FEZ2: variants seen among roughly 807,000 people sequenced by gnomAD.
The protein encoded by FEZ2 is fasciculation and elongation protein zeta 2.
FEZ2 carries 51 observed loss-of-function variants against 40.4 expected under a neutral mutation model. That is an observed-to-expected ratio of 1.26 (90% confidence interval 1.01 to 1.59). The LOEUF (loss-of-function observed/expected upper bound fraction) is 1.59. FEZ2 is among the 40% of genes most tolerant of loss of function. The pLI, the probability that FEZ2 is intolerant of heterozygous loss-of-function variation, is 0.00. For synonymous variants in FEZ2, 242 were observed against 172.0 expected, an observed-to-expected ratio of 1.41 and a Z score of -3.18; for missense variants, 640 against 438.3, an observed-to-expected ratio of 1.46 and a Z score of -4.11.
chr2:36,581,466 T>C, intron 3 of FEZ2, 35 bp from the exon 4 acceptor site: 1 of 1,600,962 alleles, frequency 6.2e-7, no homozygotes, highest in South Asian at 1.1e-5. Context: ...TAATCAAATA[T>C]ACAAAAGGAA....
intron 1 of FEZ2, 81 bp from the exon 2 acceptor site, chr2:36,591,092 C>G: frequency 1.2e-6 from 1 of 835,702 alleles, no homozygotes; most frequent in East Asian, 2.5e-5. Flanking sequence ...GAAAGATGAA[C>G]AGCAAATGTC....
At chr2:36,569,181 C>T (rs1238089083) in intron 5 of FEZ2, among the ~76,000 whole-genome samples, 2 of 152,188 alleles carry the variant, frequency 1.3e-5, no homozygotes, top group Non-Finnish European at 2.9e-5. Context: ...ATGGAATAAT[C>T]CATGCAAGTA....
intron 2 of FEZ2, among the ~76,000 whole-genome samples, chr2:36,586,391 T>G (rs848614): frequency 0.46 from 69,591 of 151,948 alleles, 16,923 homozygotes; most frequent in East Asian, 0.85. Flanking sequence ...TCCCAGCACT[T>G]TGGGAGGCTG....
At chr2:36,554,184 G>T in intron 7 of FEZ2, 1 of 471,140 alleles carries the variant, frequency 2.1e-6, no homozygotes, top group South Asian at 1.5e-5. Flanking sequence ...AGGAGCCAGC[G>T]GCCCGAGCAT....
intron 2 of FEZ2, among the ~76,000 whole-genome samples, chr2:36,588,879 T>C (rs1445385602): frequency 6.6e-6 from 1 of 152,156 alleles, no homozygotes; most frequent in South Asian, 2.1e-4. Context: ...GAAATTGGAT[T>C]AAACTGTCTC....
At chr2:36,589,612 AG>A (rs1277229564) in intron 2 of FEZ2, 1 of 152,238 alleles carries the variant, frequency 6.6e-6, no homozygotes, top group African/African-American at 2.4e-5. Flanking sequence ...AACAAGACAG[AG>A]CAAAAGATCC....
At chr2:36,577,522 G>A (rs1400125196) in intron 5 of FEZ2, among the ~76,000 whole-genome samples, 1 of 152,170 alleles carries the variant, frequency 6.6e-6, no homozygotes, top group Admixed American at 6.5e-5. Flanking sequence ...CCAAAGTGCT[G>A]GGATTACAGG....
chr2:36,564,589 G>A (rs1328462524), intron 5 of FEZ2, among the ~76,000 whole-genome samples: 2 of 152,110 alleles, frequency 1.3e-5, no homozygotes, highest in African/African-American at 4.8e-5. Context: ...CCTAGCTCCA[G>A]CAAGGCGATT....
intron 5 of FEZ2, among the ~76,000 whole-genome samples, chr2:36,563,000 T>A (rs938847004): frequency 5.9e-5 from 9 of 152,206 alleles, no homozygotes; most frequent in Non-Finnish European, 1.2e-4. Flanking sequence ...AAGACACACT[T>A]TCTATTTGGA....
chr2:36,564,509 C>T (rs1668178859), intron 5 of FEZ2, among the ~76,000 whole-genome samples: 1 of 152,078 alleles, frequency 6.6e-6, no homozygotes. Context: ...TACATTCCAG[C>T]ATAAGGGGGC....
At chr2:36,553,334 G>A (rs1311837635) in intron 7 of FEZ2, among the ~76,000 whole-genome samples, 155 bp from the exon 8 acceptor site, 2 of 152,076 alleles carry the variant, frequency 1.3e-5, no homozygotes, top group East Asian at 3.9e-4. Context: ...GTTTTAAGAG[G>A]CTATACCCAA....
At chr2:36,597,736 C>A in intron 1 of FEZ2, 141 bp downstream of exon 1, 2 of 595,352 alleles carry the variant, frequency 3.4e-6, no homozygotes, top group Non-Finnish European at 2.5e-6. Context: ...GGCCGACGGC[C>A]GGAGGAAGGA....
chr2:36,552,943 T>C lies in FEZ2; in HGVS notation c.*220A>G. The C allele has an allele frequency of 1.9e-6, 1 of 539,790 alleles. No individual in the cohort carries two copies. The highest frequency in any genetic ancestry group is 3.3e-6 in the Non-Finnish European group (1 of 299,356). 33.4% of individuals were successfully genotyped at this position (539,790 alleles called of 1,614,324 possible). On this transcript the variant is annotated 3_prime_UTR_variant, in exon 8 of 8. Coordinates refer to ENST00000405912, the MANE Select transcript of FEZ2 (RefSeq NM_005102.3). ...ATCTACTAAGAGAACAGTTTATTAG[T>C]AGATTTAACAAAAACCATCTCTAGA... is the stretch of plus-strand genomic sequence containing the variant.
intron 2 of FEZ2, among the ~76,000 whole-genome samples, chr2:36,586,102 G>C (rs1004978531): frequency 6.6e-6 from 1 of 152,070 alleles, no homozygotes; most frequent in Non-Finnish European, 1.5e-5. Flanking sequence ...CAAGAGACTA[G>C]GCTCTTGATG....
intron 5 of FEZ2, among the ~76,000 whole-genome samples, chr2:36,570,562 A>C (rs1668379247): frequency 6.6e-6 from 1 of 152,232 alleles, no homozygotes; most frequent in Non-Finnish European, 1.5e-5. Flanking sequence ...TGTGCTGCTT[A>C]AAAATGAGGA....
intron 1 of FEZ2, among the ~76,000 whole-genome samples, chr2:36,597,605 A>G (rs1669265060): frequency 6.6e-6 from 1 of 152,154 alleles, no homozygotes; most frequent in African/African-American, 2.4e-5. Flanking sequence ...TGCATGGGCG[A>G]TTCCCTTCTA....
chr2:36,571,336 T>A (rs1324302882), intron 5 of FEZ2, among the ~76,000 whole-genome samples: 1 of 152,218 alleles, frequency 6.6e-6, no homozygotes, highest in African/African-American at 2.4e-5. Flanking sequence ...CAACAAATTA[T>A]TGTTAAAATG....
intron 5 of FEZ2, 27 bp from the exon 6 acceptor site, chr2:36,558,540 CACTT>C (rs778955330): frequency 2.2e-6 from 3 of 1,379,308 alleles, no homozygotes; most frequent in South Asian, 2.8e-5. Flanking sequence ...AAAAAAGTGT[CACTT>C]AAATCGGAAT....
At chr2:36,587,672 A>G (rs1418954427) in intron 2 of FEZ2, among the ~76,000 whole-genome samples, 1 of 152,098 alleles carries the variant, frequency 6.6e-6, no homozygotes, top group Non-Finnish European at 1.5e-5. Flanking sequence ...AAAAATTTCT[A>G]TACACTTGGT....
Sources: allele counts gnomAD v4.1 joint callset (sites outside exome capture counted in the v4.1 genomes callset), GRCh38; gene constraint gnomAD v4.1.1; transcripts MANE v1.5; gene names NCBI Gene and HGNC (gene_info 2026-07-23, HGNC 2026-07-21).